The following SYN3 variants were observed in gnomAD, a reference collection of about 807,000 sequenced individuals.
SYN3 encodes the protein synapsin III, also known as synapsin-3.
SYN3 carries 35 observed loss-of-function variants against 65.8 expected under a neutral mutation model. The ratio of observed to expected loss-of-function variants is 0.53; its 90% CI spans 0.41 to 0.70. The LOEUF is 0.70. Ranked by LOEUF, SYN3 falls within the 30% of genes least tolerant of loss-of-function variation. SYN3 has a pLI of 0.00. For synonymous variants in SYN3, 270 were observed against 292.9 expected (o/e 0.92, Z 0.80); for missense variants, 680 against 749.0 (o/e 0.91, Z 1.08).
chr22:32,976,949 G>A (rs554730741), intron 3 of SYN3, among the ~76,000 whole-genome samples: 25 of 151,552 alleles, frequency 1.6e-4, no homozygotes, highest in Admixed American at 3.3e-4. Context: ...AGTGGCTTCC[G>A]TCCTGAGACT....
At chr22:32,967,895 G>A (rs1420605032) in intron 3 of SYN3, among the ~76,000 whole-genome samples, 1 of 152,230 alleles carries the variant, frequency 6.6e-6, no homozygotes, top group African/African-American at 2.4e-5. Context: ...ATGTAGAGTA[G>A]CCACACAAAA....
At chr22:32,831,512 T>C (rs9621573) in intron 6 of SYN3, among the ~76,000 whole-genome samples, 15,550 of 152,136 alleles carry the variant, frequency 0.1, 915 homozygotes, top group African/African-American at 0.17. Flanking sequence ...GGGTCGGAGT[T>C]GGGGGGCAGT....
intron 6 of SYN3, among the ~76,000 whole-genome samples, chr22:32,826,615 G>GA (rs965851808): frequency 8.6e-5 from 13 of 152,004 alleles, no homozygotes; most frequent in African/African-American, 2.9e-4. Flanking sequence ...AAGAAAGAAA[G>GA]AAAAAAACTA....
chr22:32,586,193 G>A (rs1159198829), intron 7 of SYN3, among the ~76,000 whole-genome samples: 1 of 151,550 alleles, frequency 6.6e-6, no homozygotes. Flanking sequence ...TACACATGCA[G>A]TTGATTCTCA....
At chr22:32,640,223 T>C (rs1412719082) in intron 6 of SYN3, among the ~76,000 whole-genome samples, 1 of 152,136 alleles carries the variant, frequency 6.6e-6, no homozygotes, top group African/African-American at 2.4e-5. Context: ...CCTCTGCCCA[T>C]ACTCCCAGGA....
intron 7 of SYN3, among the ~76,000 whole-genome samples, chr22:32,590,773 A>C (rs933777048): frequency 6.6e-6 from 1 of 152,246 alleles, no homozygotes; most frequent in Non-Finnish European, 1.5e-5. Flanking sequence ...TGACTAATAA[A>C]GTTGAGCCTA....
intron 6 of SYN3, among the ~76,000 whole-genome samples, chr22:32,604,872 G>A (rs958521691): frequency 6.6e-6 from 1 of 151,964 alleles, no homozygotes; most frequent in Non-Finnish European, 1.5e-5. Flanking sequence ...CGGGCGTGGT[G>A]GCGGGTGCCT....
At chr22:33,032,698 C>G (rs1370846025) in intron 1 of SYN3, among the ~76,000 whole-genome samples, 1 of 151,940 alleles carries the variant, frequency 6.6e-6, no homozygotes, top group Non-Finnish European at 1.5e-5. Flanking sequence ...CAACCTGACT[C>G]TGGTGTCTTT....
chr22:32,556,946 A>G (rs1039549169), intron 7 of SYN3, among the ~76,000 whole-genome samples: 2 of 150,854 alleles, frequency 1.3e-5, no homozygotes, highest in Non-Finnish European at 2.9e-5. Context: ...GGTGTGAGTC[A>G]CTGCACCCAG....
rs5998584 is a variant in SYN3 at position 32,694,631 on chromosome 22, G to A, written c.712-97895C>T. On this transcript the variant is annotated intron_variant, in intron 6 of 13. Coordinates refer to ENST00000358763, the MANE Select transcript of SYN3 (RefSeq NM_003490.4). ...TATGGTATTCTCAGGATATGAAATC[G>A]TGTACAGGCAGGACCAACTTTTTGT... Among the ~76,000 whole-genome samples, 1,411 of 152,220 alleles carry A rather than the reference G, an allele frequency of 9.3e-3. 24 individuals are homozygous for A. Among genetic ancestry groups the A allele is most frequent in the African/African-American group, 0.033 (1,353 of 41,498 alleles).
At position 32,518,351 on chromosome 22, in the gene SYN3, A is replaced by T; in HGVS notation, c.1319-17T>A. ...GAGGGCCTCCTAAGGGGCCAGAAAA[A>T]AAAAGGTTCAGTTCAATTTTTTTTC... On this transcript the variant is annotated splice_polypyrimidine_tract_variant and intron_variant, in intron 12 of 13. Transcript: ENST00000358763. 3.1e-6 allele frequency: 5 copies of T among 1,609,920 alleles called. No homozygotes were observed. Among genetic ancestry groups the T allele is most frequent in the Non-Finnish European group, 4.2e-6 (5 of 1,178,572 alleles).
intron 6 of SYN3, among the ~76,000 whole-genome samples, chr22:32,778,202 T>A (rs1473091506): frequency 6.6e-6 from 1 of 152,220 alleles, no homozygotes; most frequent in Non-Finnish European, 1.5e-5. Context: ...AAACATTAAC[T>A]TCTCAGTTTT....
chr22:32,600,285 G>C (rs971781435), intron 6 of SYN3, among the ~76,000 whole-genome samples: 1 of 152,172 alleles, frequency 6.6e-6, no homozygotes, highest in East Asian at 1.9e-4. Flanking sequence ...CGCAATTCAC[G>C]ACAGGGTTAG....
At chr22:32,579,251 A>G (rs2058899797) in intron 7 of SYN3, among the ~76,000 whole-genome samples, 1 of 152,216 alleles carries the variant, frequency 6.6e-6, no homozygotes, top group African/African-American at 2.4e-5. Context: ...TGTTGAATGA[A>G]TGTAAGAGCC....
At chr22:32,906,664 C>A (rs974454962) in intron 4 of SYN3, among the ~76,000 whole-genome samples, 2 of 152,146 alleles carry the variant, frequency 1.3e-5, no homozygotes, top group South Asian at 2.1e-4. Flanking sequence ...CCTTGCCCCC[C>A]ACCCCCCGAC....
chr22:32,588,840 C>T (rs1385871893), intron 7 of SYN3, among the ~76,000 whole-genome samples: 1 of 152,182 alleles, frequency 6.6e-6, no homozygotes, highest in Non-Finnish European at 1.5e-5. Flanking sequence ...CAGGTCTTTA[C>T]TCCAGACCAG....
At chr22:32,619,379 G>A (rs1413647213) in intron 6 of SYN3, among the ~76,000 whole-genome samples, 1 of 152,178 alleles carries the variant, frequency 6.6e-6, no homozygotes, top group African/African-American at 2.4e-5. Context: ...ATGTACATAG[G>A]AGTTCCACCC....
chr22:32,632,522 C>A (rs982165910), intron 6 of SYN3, among the ~76,000 whole-genome samples: 3 of 152,168 alleles, frequency 2.0e-5, no homozygotes, highest in African/African-American at 7.2e-5. Context: ...CCCTTTGGGG[C>A]CTTCGATCTT....
At chr22:32,703,368 G>A (rs2147210077) in intron 6 of SYN3, among the ~76,000 whole-genome samples, 1 of 152,274 alleles carries the variant, frequency 6.6e-6, no homozygotes, top group East Asian at 1.9e-4. Flanking sequence ...GCCGGGCGCG[G>A]TGGCTCATGC....
Sources: gnomAD v4.1 joint callset for allele counts (sites outside exome capture counted in the v4.1 genomes callset) on GRCh38, gnomAD v4.1.1 for gene constraint, MANE v1.5 for transcripts, NCBI Gene and HGNC (gene_info 2026-07-23, HGNC 2026-07-21) for gene names.